The following NAV2 variants were observed in gnomAD, a reference collection of about 807,000 sequenced individuals.
NAV2 encodes helicase, APC down-regulated 1.
A neutral mutation model predicts 223.2 loss-of-function variants in NAV2; 54 were observed. The observed-to-expected ratio is 0.24, with a 90% CI of 0.19 to 0.30. The LOEUF (loss-of-function observed/expected upper bound fraction) is 0.30, where lower values mean the gene tolerates loss of function less well. Ranked by LOEUF, NAV2 falls within the 10% of genes least tolerant of loss-of-function variation. The pLI is 1.00. For synonymous variants in NAV2, 1,279 were observed against 1,239.3 expected, an observed-to-expected ratio of 1.03 and a Z score of -0.67; for missense variants, 2,806 against 3,147.5, an observed-to-expected ratio of 0.89 and a Z score of 2.60.
At chr11:19,993,201 C>G (rs1169985449) in intron 11 of NAV2, among the ~76,000 whole-genome samples, 1 of 152,162 alleles carries the variant, frequency 6.6e-6, no homozygotes, top group Non-Finnish European at 1.5e-5. Flanking sequence ...ATAGGTTATG[C>G]TGCATAACAA....
intron 10 of NAV2, among the ~76,000 whole-genome samples, chr11:19,954,417 C>T (rs553385527): frequency 6.6e-6 from 1 of 152,262 alleles, no homozygotes; most frequent in South Asian, 2.1e-4. Context: ...TAATTAAAGT[C>T]ATCCCTCAGT....
At chr11:19,506,532 T>G (rs1324511214) in intron 1 of NAV2, 1 of 152,174 alleles carries the variant, frequency 6.6e-6, no homozygotes, top group Non-Finnish European at 1.5e-5. Flanking sequence ...CCTATCTATC[T>G]CCCAGATCAG....
intron 1 of NAV2, among the ~76,000 whole-genome samples, chr11:19,652,568 C>A (rs775812383): frequency 6.6e-6 from 1 of 152,190 alleles, no homozygotes; most frequent in African/African-American, 2.4e-5. Context: ...CCCACCACTG[C>A]CCTTTTCTCC....
intron 1 of NAV2, among the ~76,000 whole-genome samples, chr11:19,586,275 T>G (rs554397628): frequency 8.5e-5 from 13 of 152,180 alleles, no homozygotes; most frequent in Non-Finnish European, 1.5e-4. Context: ...TAGTTAGCCA[T>G]TTTTCTAATT....
chr11:19,747,506 A>G (rs1249183401), intron 1 of NAV2, among the ~76,000 whole-genome samples: 1 of 152,206 alleles, frequency 6.6e-6, no homozygotes, highest in Non-Finnish European at 1.5e-5. Context: ...AACACTGACT[A>G]TGCCATTCTC....
intron 1 of NAV2, among the ~76,000 whole-genome samples, chr11:19,822,047 G>T (rs766453867): frequency 6.6e-6 from 1 of 152,216 alleles, no homozygotes; most frequent in Non-Finnish European, 1.5e-5. Flanking sequence ...ACAGAGGTGG[G>T]TTGGAAACTG....
intron 1 of NAV2, among the ~76,000 whole-genome samples, chr11:19,469,699 T>C (rs1182355362): frequency 1.3e-5 from 2 of 152,206 alleles, no homozygotes; most frequent in African/African-American, 2.4e-5. Flanking sequence ...AAAAAACCAC[T>C]GAAGTCCAAG....
At chr11:19,577,226 C>T (rs1464503360) in intron 1 of NAV2, among the ~76,000 whole-genome samples, 11 of 152,246 alleles carry the variant, frequency 7.2e-5, no homozygotes, top group Non-Finnish European at 1.6e-4. Context: ...GCTTGTCCAA[C>T]GTCCGTGTGT....
chr11:20,118,770 A>G lies in NAV2; in HGVS notation c.*512A>G. 1 of 172,758 alleles carries G rather than the reference A, an allele frequency of 5.8e-6. No individual in the cohort carries two copies. Among genetic ancestry groups the G allele is most frequent in the Non-Finnish European group, 1.2e-5 (1 of 81,392 alleles). 10.7% of individuals were successfully genotyped at this position (172,758 alleles called of 1,614,324 possible). A position where few individuals can be genotyped will look rare whatever the true frequency, so the allele number is the denominator to read the frequency against. On this transcript the variant is annotated 3_prime_UTR_variant, in exon 38 of 38. Coordinates refer to ENST00000349880, the MANE Select transcript of NAV2 (RefSeq NM_145117.5). ...CCCACCCTCCCACACAGCCGGCCAC[A>G]GGGAGAACTGGTGCTAACCAGGGTG...
intron 1 of NAV2, among the ~76,000 whole-genome samples, chr11:19,495,051 G>A (rs1021330262): frequency 6.6e-6 from 1 of 152,224 alleles, no homozygotes; most frequent in African/African-American, 2.4e-5. Flanking sequence ...GCAGGCCTTA[G>A]GGCCTGGGTC....
chr11:19,497,904 G>T (rs987824134), intron 1 of NAV2, among the ~76,000 whole-genome samples: 3 of 152,152 alleles, frequency 2.0e-5, no homozygotes, highest in African/African-American at 4.8e-5. Flanking sequence ...CTAGGAAGAA[G>T]GGGCTAATGC....
In NAV2 at chr11:19,598,031, C is replaced by T. The variant is rs1255076836; in HGVS notation, c.76-234453C>T. On this transcript the variant is annotated intron_variant, in intron 1 of 37. Coordinates refer to the NAV2 transcript ENST00000360655. ...CTCCAGTTATGACCCATGCCAATGG[C>T]ATGCCCTTCTGCTGCCCTGGGGGGC... Among the ~76,000 whole-genome samples the T allele has an allele frequency of 4.6e-5, 7 of 152,376 alleles. No individual in the cohort carries two copies. In the East Asian group the frequency reaches 1.4e-3, roughly 29 times the overall value.
rs369018610 is a variant in NAV2 at position 19,713,797 on chromosome 11, C to T, written c.102C>T (p.Pro34=). ...ILHVPPARAG[P]QPCYLKLGSK... is the part of the protein sequence containing the mutation. The stretch of plus-strand genomic sequence containing the variant: ...ACGTGCCCCCGGCCCGGGCGGGCCC[C>T]CAGCCCTGCTACCTGAAGTTGGGAA... Residue 34 remains proline, a synonymous_variant, in exon 1 of 38, where the codon CCC becomes CCT. Coordinates refer to ENST00000349880, the MANE Select transcript of NAV2 (RefSeq NM_145117.5). The surrounding 1 kb of genome is among the most constrained non-coding windows in gnomAD (Gnocchi z 7.2). The T allele has an allele frequency of 1.9e-6, 3 of 1,613,026 alleles. No homozygotes were observed. In the African/African-American group the frequency reaches 4.0e-5, roughly 21 times the overall value.
intron 11 of NAV2, chr11:20,022,847 A>T (rs1371179310): frequency 7.8e-7 from 1 of 1,283,138 alleles, no homozygotes; most frequent in Non-Finnish European, 9.8e-7. Context: ...AACTTTTCAC[A>T]GCTGACTTGA....
At chr11:19,884,072 A>G (rs2063378933) in intron 5 of NAV2, among the ~76,000 whole-genome samples, 1 of 152,270 alleles carries the variant, frequency 6.6e-6, no homozygotes, top group Non-Finnish European at 1.5e-5. Flanking sequence ...CATACACACA[A>G]GCATTCTTAG....
At chr11:19,382,440 A>C (rs1848878715) in intron 1 of NAV2, among the ~76,000 whole-genome samples, 1 of 152,136 alleles carries the variant, frequency 6.6e-6, no homozygotes, top group Non-Finnish European at 1.5e-5. Context: ...CTTGTCGGGG[A>C]GTCAAGCAGC....
At chr11:19,637,194 A>G (rs541283090) in intron 1 of NAV2, among the ~76,000 whole-genome samples, 1 of 152,294 alleles carries the variant, frequency 6.6e-6, no homozygotes, top group South Asian at 2.1e-4. Context: ...CCTTCCTGGA[A>G]AACGTAGGTA....
chr11:19,648,501 T>C (rs2135622500), intron 1 of NAV2, among the ~76,000 whole-genome samples: 1 of 152,314 alleles, frequency 6.6e-6, no homozygotes, highest in Non-Finnish European at 1.5e-5. Context: ...TGTTTCAGAA[T>C]GGGGCCCAGT....
At chr11:19,488,715 C>T (rs1262788181) in intron 1 of NAV2, among the ~76,000 whole-genome samples, 1 of 152,126 alleles carries the variant, frequency 6.6e-6, no homozygotes, top group African/African-American at 2.4e-5. Flanking sequence ...CTAATAATAA[C>T]AAATAATAAA....
Sources: allele counts gnomAD v4.1 joint callset (sites outside exome capture counted in the v4.1 genomes callset), GRCh38; gene constraint gnomAD v4.1.1; non-coding constraint Gnocchi (gnomAD v3.1); transcripts MANE v1.5; gene names NCBI Gene and HGNC (gene_info 2026-07-23, HGNC 2026-07-21).